Variants in PTPRN2 observed in about 807,000 individuals in gnomAD.
PTPRN2 encodes the protein receptor-type tyrosine-protein phosphatase N2.
A neutral mutation model predicts 118.8 loss-of-function variants in PTPRN2; 74 were observed. The ratio of observed to expected loss-of-function variants is 0.62; its 90% CI spans 0.52 to 0.76. PTPRN2 has a LOEUF of 0.76. Ranked by LOEUF, PTPRN2 falls within the 30% of genes least tolerant of loss-of-function variation. The pLI, the probability that PTPRN2 is intolerant of heterozygous loss-of-function variation, is 0.00. For missense variants in PTPRN2, 1,481 were observed against 1,394.4 expected (o/e 1.06, Z -0.99); for synonymous variants, 641 against 608.0 (o/e 1.05, Z -0.80).
At chr7:157,644,467 G>A (rs1042044756) in intron 14 of PTPRN2, among the ~76,000 whole-genome samples, 2 of 152,292 alleles carry the variant, frequency 1.3e-5, no homozygotes, top group East Asian at 1.9e-4. Context: ...GCCAGCATAC[G>A]CCTCTCCCAG....
intron 3 of PTPRN2, among the ~76,000 whole-genome samples, chr7:158,209,465 A>G (rs1045550341): frequency 3.3e-5 from 5 of 152,244 alleles, no homozygotes; most frequent in Admixed American, 6.5e-5. Flanking sequence ...GAAGGTCATA[A>G]TGATAAAGGG....
intron 13 of PTPRN2, among the ~76,000 whole-genome samples, chr7:157,673,372 G>A (rs1037236440): frequency 3.9e-5 from 6 of 152,156 alleles, no homozygotes; most frequent in African/African-American, 1.2e-4. Context: ...GAAAAGCCAC[G>A]GAGACGTTAC....
At chr7:158,229,018 G>A (rs1470180828) in intron 3 of PTPRN2, among the ~76,000 whole-genome samples, 1 of 152,058 alleles carries the variant, frequency 6.6e-6, no homozygotes, top group East Asian at 1.9e-4. Context: ...TGCTCCACAG[G>A]TCCCCTCAGC....
At chr7:158,384,876 C>A (rs1289945502) in intron 2 of PTPRN2, among the ~76,000 whole-genome samples, 2 of 152,096 alleles carry the variant, frequency 1.3e-5, no homozygotes, top group South Asian at 4.1e-4. Flanking sequence ...TCAGGGTGCA[C>A]CTCTGCAGCA....
At chr7:157,563,430 C>G (rs1799315298) in intron 21 of PTPRN2, among the ~76,000 whole-genome samples, 1 of 79,930 alleles carries the variant, frequency 1.3e-5, no homozygotes, top group African/African-American at 5.8e-5. Flanking sequence ...GGACCACGTG[C>G]TCCCACGTCA....
chr7:158,255,393 G>C (rs1796958501), intron 3 of PTPRN2, among the ~76,000 whole-genome samples: 1 of 152,178 alleles, frequency 6.6e-6, no homozygotes, highest in African/African-American at 2.4e-5. Context: ...AGGGAACAGG[G>C]AATGCTGCCT....
At chr7:157,848,899 C>T (rs527944117) in intron 12 of PTPRN2, among the ~76,000 whole-genome samples, 7 of 152,350 alleles carry the variant, frequency 4.6e-5, no homozygotes, top group African/African-American at 7.2e-5. Flanking sequence ...GTGCCCTGGA[C>T]CACTCACTTG....
At chr7:158,504,251 A>G (rs113529308) in intron 1 of PTPRN2, among the ~76,000 whole-genome samples, 1,598 of 152,172 alleles carry the variant, frequency 0.011, 27 homozygotes, top group African/African-American at 0.037. Flanking sequence ...GGTTTGTCAC[A>G]TAGGTAAGTG....
At chr7:158,290,637 G>A (rs1800063315) in intron 3 of PTPRN2, among the ~76,000 whole-genome samples, 1 of 152,128 alleles carries the variant, frequency 6.6e-6, no homozygotes, top group South Asian at 2.1e-4. Context: ...GCAAAGTCTG[G>A]TACTCACTTC....
In PTPRN2 at chr7:158,138,340, TTCTCCAGAC is replaced by T; in HGVS notation, c.1077_1085del (p.Ser360_Glu362del). 6.2e-7 allele frequency: 1 copy of T among 1,613,702 alleles called. No homozygotes were observed. Among genetic ancestry groups the T allele is most frequent in the African/African-American group, 1.3e-5 (1 of 75,054 alleles). Reference sequence around the variant, plus strand: ...GGGTGGCCTTGGGGCCATCCGCCTGTTCTCCAGACTCTCCCAGGGCCGCTCTCCCAGGGC... The same window carrying T: ...GGGTGGCCTTGGGGCCATCCGCCTGTTCTCCCAGGGCCGCTCTCCCAGGGC... On this transcript the variant is annotated inframe_deletion, in exon 7 of 23. Transcript: ENST00000389418.
chr7:158,212,736 C>G (rs1827694594), intron 3 of PTPRN2, among the ~76,000 whole-genome samples: 3 of 152,152 alleles, frequency 2.0e-5, no homozygotes, highest in Admixed American at 2.0e-4. Context: ...ACCCACTCCT[C>G]TACCTGCCCG....
rs114264715 is a variant in PTPRN2 at position 158,509,691 on chromosome 7, G to A, written c.113-19906C>T. 9.0e-3 allele frequency among the ~76,000 whole-genome samples: 1,367 copies of A among 152,350 alleles called. 18 individuals carry two copies. Among genetic ancestry groups the A allele is most frequent in the African/African-American group, 0.031 (1,279 of 41,584 alleles). On this transcript the variant is annotated intron_variant, in intron 1 of 22. Transcript: ENST00000389418. This position sits in a 1 kb window ranked among gnomAD's most constrained non-coding sequence, Gnocchi z 4.4. ...AACACACTAGCAGAAGAGACCACAC[G>A]TCTGTCAGCGCCCACAGGCAGGTGG... is the stretch of plus-strand genomic sequence containing the variant.
At chr7:158,500,472 C>G (rs1038896957) in intron 1 of PTPRN2, among the ~76,000 whole-genome samples, 13 of 152,266 alleles carry the variant, frequency 8.5e-5, no homozygotes, top group African/African-American at 3.1e-4. Flanking sequence ...ATTAGCAAGT[C>G]TCAGCTGGTG....
chr7:157,646,651 C>G (rs1805093369), intron 14 of PTPRN2, among the ~76,000 whole-genome samples: 1 of 152,174 alleles, frequency 6.6e-6, no homozygotes, highest in African/African-American at 2.4e-5. Flanking sequence ...CCCACTGGTA[C>G]CGGGCCCTGT....
chr7:157,711,888 C>G (rs923198165), intron 12 of PTPRN2, among the ~76,000 whole-genome samples: 1 of 145,542 alleles, frequency 6.9e-6, no homozygotes, highest in African/African-American at 2.6e-5. Flanking sequence ...GGGTAGACAT[C>G]AGGGGCTGTA....
At chr7:158,317,099 G>A (rs887944729) in intron 2 of PTPRN2, among the ~76,000 whole-genome samples, 167 bp from the exon 3 acceptor site, 10 of 152,176 alleles carry the variant, frequency 6.6e-5, no homozygotes, top group African/African-American at 2.4e-4. Context: ...GGAGGATGCT[G>A]GTTTGTGAGA....
At chr7:158,523,542 AAT>A (rs1824428915) in intron 1 of PTPRN2, among the ~76,000 whole-genome samples, 1 of 48,840 alleles carries the variant, frequency 2.0e-5, no homozygotes, top group African/African-American at 6.6e-5. Flanking sequence ...TCTGCCCTGG[AAT>A]GGAGTCCTCT....
intron 11 of PTPRN2, among the ~76,000 whole-genome samples, chr7:158,035,053 T>C (rs1216518732): frequency 6.6e-6 from 1 of 152,200 alleles, no homozygotes; most frequent in Non-Finnish European, 1.5e-5. Flanking sequence ...AAACTCCAAA[T>C]CAGAACATGT....
intron 15 of PTPRN2, among the ~76,000 whole-genome samples, chr7:157,608,707 GCC>G (rs1472519190): frequency 6.6e-6 from 1 of 152,138 alleles, no homozygotes; most frequent in Non-Finnish European, 1.5e-5. Context: ...GCCTCTCAAG[GCC>G]AACCCCAGGC....
Sources: gnomAD v4.1 joint callset for allele counts (sites outside exome capture counted in the v4.1 genomes callset) on GRCh38, gnomAD v4.1.1 for gene constraint, Gnocchi (gnomAD v3.1) non-coding constraint, MANE v1.5 for transcripts, NCBI Gene and HGNC (gene_info 2026-07-23, HGNC 2026-07-21) for gene names.